The following ABCB9 variants were observed in gnomAD, a reference collection of about 807,000 sequenced individuals.
ABCB9 encodes ATP binding cassette subfamily B member 9.
In ABCB9, 36 loss-of-function variants were observed where a neutral mutation model predicts 62.0. The observed-to-expected ratio is 0.58, with a 90% CI of 0.45 to 0.77. The LOEUF (loss-of-function observed/expected upper bound fraction) is 0.77, where lower values mean the gene tolerates loss of function less well. Among genes scored for constraint, ABCB9 ranks in the 30% least tolerant of loss-of-function variants. The pLI is 0.00. For synonymous variants in ABCB9, 435 were observed against 461.4 expected (o/e 0.94, Z 0.73); for missense variants, 943 against 1,054.7 (o/e 0.89, Z 1.47).
At chr12:122,934,183 G>A (rs888496848) in intron 10 of ABCB9, among the ~76,000 whole-genome samples, 4 of 152,198 alleles carry the variant, frequency 2.6e-5, no homozygotes, top group African/African-American at 9.7e-5. Flanking sequence ...GGGAGACGGA[G>A]GTTGCAGTGA....
chr12:122,959,819 G>A lies in ABCB9; in HGVS notation c.417C>T (p.Thr139=), dbSNP rs775532821. ...ASFLLWWLLS[T]VRPGTQALEP... ...CCAGGGCCTGGGTGCCTGGCCGCAC[G>A]GTGGACAGCAGCCACCAGAGCAGGA... The change falls in exon 2 of 12, where the codon ACC becomes ACT. Residue 139 remains threonine, a synonymous_variant. Transcript: ENST00000280560. The surrounding 1 kb of genome is among the most constrained non-coding windows in gnomAD (Gnocchi z 5.4). The A allele has an allele frequency of 1.4e-5, 23 of 1,612,666 alleles. No individual in the cohort carries two copies. The highest frequency in any genetic ancestry group is 7.7e-5 in the South Asian group (7 of 91,076).
chr12:122,958,256 A>G (rs2036717285), intron 2 of ABCB9, among the ~76,000 whole-genome samples: 2 of 152,108 alleles, frequency 1.3e-5, no homozygotes, highest in African/African-American at 4.8e-5. Context: ...CAACTAAATA[A>G]TCTATGGTAT....
intron 10 of ABCB9, among the ~76,000 whole-genome samples, chr12:122,934,103 C>T (rs1354873301): frequency 2.0e-5 from 3 of 151,974 alleles, no homozygotes; most frequent in Non-Finnish European, 4.4e-5. Context: ...AAAAAATTAG[C>T]AAGGTGTGGT....
chr12:122,934,313 T>C (rs1360982151), intron 10 of ABCB9, among the ~76,000 whole-genome samples: 1 of 152,088 alleles, frequency 6.6e-6, no homozygotes, highest in Non-Finnish European at 1.5e-5. Flanking sequence ...AAGGGAAAAT[T>C]TTTATCTTTT....
At chr12:122,949,660 A>C in intron 4 of ABCB9, 128 bp downstream of exon 4, 1 of 1,275,280 alleles carries the variant, frequency 7.8e-7, no homozygotes, top group East Asian at 2.4e-5. Flanking sequence ...TCCCAGCCTG[A>C]ACTAACAGCA....
At chr12:122,949,061 G>T in intron 4 of ABCB9, 1 of 385,294 alleles carries the variant, frequency 2.6e-6, no homozygotes, top group Non-Finnish European at 4.7e-6. Flanking sequence ...AGCGGAGGAG[G>T]CTGGGGCTCA....
At chr12:122,935,589 AAC>A (rs2035420903) in intron 9 of ABCB9, among the ~76,000 whole-genome samples, 158 bp from the exon 10 acceptor site, 1 of 152,078 alleles carries the variant, frequency 6.6e-6, no homozygotes, top group African/African-American at 2.4e-5. Context: ...CTTCTTCCCC[AAC>A]AGTGACTCCC....
chr12:122,974,827 A>C (rs2037358358), exon 1 of ABCB9: 1 of 159,386 alleles, frequency 6.3e-6, no homozygotes, highest in Non-Finnish European at 1.4e-5. Flanking sequence ...GGATGATTGA[A>C]GCACCAGCGG....
chr12:122,953,391 G>GTA (rs1376043810), intron 2 of ABCB9, among the ~76,000 whole-genome samples: 1 of 150,814 alleles, frequency 6.6e-6, no homozygotes, highest in African/African-American at 2.4e-5. Flanking sequence ...TTTTATATAT[G>GTA]TATATATATA....
chr12:122,957,249 G>A (rs955175869), intron 2 of ABCB9, among the ~76,000 whole-genome samples: 1 of 151,996 alleles, frequency 6.6e-6, no homozygotes, highest in Non-Finnish European at 1.5e-5. Context: ...CTGCTGTGTT[G>A]CCCAGAGTGG....
rs1268930986 is a variant in ABCB9 at position 122,940,890 on chromosome 12, C to A, written c.1486G>T (p.Ala496Ser). The change falls in exon 8 of 12, where the codon GCC becomes TCC. Residue 496 changes from alanine to serine, a missense_variant. Coordinates refer to ENST00000280560, the MANE Select transcript of ABCB9 (RefSeq NM_019625.4). This position sits in a 1 kb window ranked among gnomAD's most constrained non-coding sequence, Gnocchi z 4.8. Reference sequence around the variant, plus strand: ...ACCCGGCCCTCCAGGTGGTCGGGGGCCAAGCTGCCATCGTGCACCATGGTC... The same window carrying A: ...ACCCGGCCCTCCAGGTGGTCGGGGGACAAGCTGCCATCGTGCACCATGGTC... ...QPTMVHDGSL[A>S]PDHLEGRVDF... The A allele has an allele frequency of 6.2e-7, 1 of 1,612,310 alleles. No individual in the cohort carries two copies. Among genetic ancestry groups the A allele is most frequent in the Non-Finnish European group, 8.5e-7 (1 of 1,179,304 alleles).
At chr12:122,948,580 G>C in intron 5 of ABCB9, 44 bp downstream of exon 5, 1 of 1,527,332 alleles carries the variant, frequency 6.5e-7, no homozygotes, top group African/African-American at 1.4e-5. Context: ...ATGTTTGGGG[G>C]CTGCCAGGGT....
At position 122,940,055 on chromosome 12, in the gene ABCB9, A is replaced by T. The variant is rs762211477; in HGVS notation, c.1743+56T>A. The T allele has an allele frequency of 6.4e-6, 10 of 1,556,038 alleles. No homozygotes were observed. The highest frequency in any genetic ancestry group is 2.7e-5 in the African/African-American group (2 of 73,756). On this transcript the variant is annotated intron_variant, in intron 9 of 11. Transcript: ENST00000280560. The surrounding 1 kb of genome is among the most constrained non-coding windows in gnomAD (Gnocchi z 4.8). The stretch of plus-strand genomic sequence containing the variant: ...TTCCGCACCTGTTACAGCTCACAAG[A>T]AAGACGGTTAGATGCAGAAAGGGCG...
chr12:122,973,188 G>A (rs2037301505), intron 1 of ABCB9: 1 of 152,268 alleles, frequency 6.6e-6, no homozygotes, highest in African/African-American at 2.4e-5. Context: ...CATGGAGAGG[G>A]CCAATCTAAA....
intron 5 of ABCB9, 52 bp downstream of exon 5, chr12:122,948,572 G>T: frequency 1.3e-6 from 2 of 1,521,442 alleles, no homozygotes; most frequent in Non-Finnish European, 1.8e-6. Context: ...CTAAGGGGAT[G>T]TTTGGGGGCT....
Position 122,964,088 on chromosome 12 carries a change from C to T in ABCB9, c.-88+2199G>A, listed in dbSNP as rs576360769. On this transcript the variant is annotated intron_variant, in intron 1 of 11. Transcript: ENST00000280560. The surrounding 1 kb of genome is among the most constrained non-coding windows in gnomAD (Gnocchi z 4.7). ...GCCGGCTGCACCAGGTGCTGCCAGC[C>T]GCCTCAGCTGCTGCTCTCCTCGTGG... is the stretch of plus-strand genomic sequence containing the variant. Among the ~76,000 whole-genome samples, 3 of 152,294 alleles carry T rather than the reference C, an allele frequency of 2.0e-5. No homozygotes were observed. Among genetic ancestry groups the T allele is most frequent in the East Asian group, 1.9e-4 (1 of 5,178 alleles).
At chr12:122,950,172 G>A (rs1384083017) in intron 3 of ABCB9, among the ~76,000 whole-genome samples, 1 of 152,238 alleles carries the variant, frequency 6.6e-6, no homozygotes. Context: ...GACAAAGCCG[G>A]TTCTGTTTGG....
downstream of ABCB9, chr12:122,924,680 C>T: frequency 6.6e-7 from 1 of 1,517,588 alleles, no homozygotes; most frequent in Non-Finnish European, 8.8e-7. Flanking sequence ...AGGACTAAGC[C>T]AGCCCTGGGG....
intron 9 of ABCB9, 78 bp from the exon 10 acceptor site, chr12:122,935,509 G>A (rs1278975469): frequency 2.6e-6 from 4 of 1,521,414 alleles, no homozygotes; most frequent in Non-Finnish European, 3.5e-6. Context: ...TGCTGCCTGG[G>A]GCCTGGAGAC....
Sources: allele counts gnomAD v4.1 joint callset (sites outside exome capture counted in the v4.1 genomes callset), GRCh38; gene constraint gnomAD v4.1.1; non-coding constraint Gnocchi (gnomAD v3.1); transcripts MANE v1.5; gene names NCBI Gene and HGNC (gene_info 2026-07-23, HGNC 2026-07-21).